The following IGSF3 variants were observed in gnomAD, a reference collection of about 807,000 sequenced individuals.
IGSF3 encodes the protein glu-Trp-Ile EWI motif-containing protein 3.
IGSF3 carries 23 observed loss-of-function variants against 114.4 expected under a neutral mutation model. The ratio of observed to expected loss-of-function variants is 0.20; its 90% CI spans 0.14 to 0.28. IGSF3 has a LOEUF of 0.28. IGSF3 is among the 10% of genes least tolerant of loss of function. The pLI, the probability that IGSF3 is intolerant of heterozygous loss-of-function variation, is 1.00. For missense variants in IGSF3, 1,172 were observed against 1,591.5 expected (o/e 0.74, Z 4.48); for synonymous variants, 571 against 645.2 (o/e 0.88, Z 1.74).
Position 116,644,727 on chromosome 1 carries a change from C to A in IGSF3, c.43+21557G>T, listed in dbSNP as rs1028226760. 5.9e-5 allele frequency among the ~76,000 whole-genome samples: 9 copies of A among 152,188 alleles called. No homozygotes were observed. The highest frequency in any genetic ancestry group is 2.2e-4 in the African/African-American group (9 of 41,436). Reference sequence around the variant, plus strand: ...CGGCCCTGTGTGATGAAAGGACCTCCTCAGGAAACCTCCCCACCAGCAACT... The same window carrying A: ...CGGCCCTGTGTGATGAAAGGACCTCATCAGGAAACCTCCCCACCAGCAACT... On this transcript the variant is annotated intron_variant, in intron 2 of 10. Transcript: ENST00000369486. This position sits in a 1 kb window ranked among gnomAD's most constrained non-coding sequence, Gnocchi z 5.6.
At chr1:116,597,997 A>G (rs376187580) in intron 7 of IGSF3, among the ~76,000 whole-genome samples, 1 of 152,248 alleles carries the variant, frequency 6.6e-6, no homozygotes, top group South Asian at 2.1e-4. Flanking sequence ...TACTTCATAC[A>G]TATTTTTCCC....
rs1660353070 is a variant in IGSF3, at chr1:116,596,525, G to T, written c.2029+3416C>A. Among the ~76,000 whole-genome samples the T allele has an allele frequency of 6.6e-6, 1 of 152,158 alleles. No individual in the cohort carries two copies. On this transcript the variant is annotated intron_variant, in intron 7 of 10. Coordinates refer to ENST00000369486, the MANE Select transcript of IGSF3 (RefSeq NM_001007237.3). This position sits in a 1 kb window ranked among gnomAD's most constrained non-coding sequence, Gnocchi z 4.1. The stretch of plus-strand genomic sequence containing the variant: ...AACTTCTACACCATCAGCAAACTGT[G>T]TCTTGAGGAACCTCTACCAATGTCT...
At position 116,624,571 on chromosome 1, in the gene IGSF3, G is replaced by A. The variant is rs1291808736; in HGVS notation, c.44-8114C>T. 1.3e-5 allele frequency among the ~76,000 whole-genome samples: 2 copies of A among 152,180 alleles called. No homozygotes were observed. The highest frequency in any genetic ancestry group is 6.5e-5 in the Admixed American group (1 of 15,278). On this transcript the variant is annotated intron_variant, in intron 2 of 10. Coordinates refer to ENST00000369486, the MANE Select transcript of IGSF3 (RefSeq NM_001007237.3). The surrounding 1 kb of genome is among the most constrained non-coding windows in gnomAD (Gnocchi z 4.9). ...GTGGAACTAATTTCTCCCACACACC[G>A]TGGCAGGTTGTATTCTCCAGACACA...
In IGSF3 at chr1:116,633,318, T is replaced by C. The variant is rs1647678263; in HGVS notation, c.44-16861A>G. On this transcript the variant is annotated intron_variant, in intron 2 of 10. Transcript: ENST00000369486. The surrounding 1 kb of genome is among the most constrained non-coding windows in gnomAD (Gnocchi z 4.3). ...ACCATTCCAGGAAGTCCAGCAGAGT[T>C]GGTTTTGGTTTGGGGGTGTTTTTTG... Among the ~76,000 whole-genome samples the C allele has an allele frequency of 6.6e-6, 1 of 152,200 alleles. No homozygotes were observed. The highest frequency in any genetic ancestry group is 2.4e-5 in the African/African-American group (1 of 41,434).
chr1:116,659,490 G>C (rs1166761072), intron 2 of IGSF3, among the ~76,000 whole-genome samples: 2 of 152,176 alleles, frequency 1.3e-5, no homozygotes, highest in South Asian at 2.1e-4. Flanking sequence ...TCACACACAG[G>C]TGTTCTAGAT....
chr1:116,600,089 G>T lies in IGSF3; in HGVS notation c.1881C>A (p.Asn627Lys). The stretch of plus-strand genomic sequence containing the variant: ...TGGCTCGGCTGATGCTTAGGCGGAC[G>T]TTGTTGCTGGACTCAGCCTTCTCGA... Reference protein sequence around the residue: ...TAIEKAESSNNVRLSISRASD... With the variant: ...TAIEKAESSNKVRLSISRASD... Residue 627 changes from asparagine to lysine, a missense_variant, in exon 7 of 11, where the codon AAC becomes AAA. By Grantham distance (94) the Asn-to-Lys change is moderately conservative. Around this residue, in one of 3 missense-constraint regions of IGSF3, gnomAD observed 736 missense variants for 1,042.0 expected, o/e 0.71. Transcript: ENST00000369486. The surrounding 1 kb of genome is among the most constrained non-coding windows in gnomAD (Gnocchi z 5.5). The T allele has an allele frequency of 1.2e-6, 2 of 1,614,176 alleles. No individual in the cohort carries two copies. The highest frequency in any genetic ancestry group is 2.2e-5 in the South Asian group (2 of 91,086).
rs1406309422 is a variant in IGSF3 at position 116,584,875 on chromosome 1, T to C, written c.2618A>G (p.Asp873Gly). 6.2e-7 allele frequency: 1 copy of C among 1,614,224 alleles called. No individual in the cohort carries two copies. Among genetic ancestry groups the C allele is most frequent in the East Asian group, 2.2e-5 (1 of 44,876 alleles). Reference protein sequence around the residue: ...ERETVARLSRDATFHYGEQAA... With the variant: ...ERETVARLSRGATFHYGEQAA... ...CTGCTCTCCATAGTGGAAGGTGGCG[T>C]CACGGCTCAAGCGGGCCACAGTCTC... Residue 873 changes from aspartate to glycine, a missense_variant, in exon 9 of 11, where the codon GAC becomes GGC. This residue lies in a region of IGSF3 where 423 missense variants were observed against 509.8 expected (regional missense o/e 0.83). Coordinates refer to ENST00000369486, the MANE Select transcript of IGSF3 (RefSeq NM_001007237.3). The surrounding 1 kb of genome is among the most constrained non-coding windows in gnomAD (Gnocchi z 5.8).
In IGSF3 at chr1:116,603,522, T is replaced by G; in HGVS notation, c.1624+102A>C. The G allele has an allele frequency of 2.6e-6, 3 of 1,151,024 alleles. No individual in the cohort carries two copies. The highest frequency in any genetic ancestry group is 2.5e-6 in the Non-Finnish European group (2 of 796,586). The allele number at this position is 1,151,024 out of a possible 1,614,324, so 71.3% of individuals were successfully genotyped here. On this transcript the variant is annotated intron_variant, in intron 6 of 10. Transcript: ENST00000369486. The surrounding 1 kb of genome is among the most constrained non-coding windows in gnomAD (Gnocchi z 7.1). ...AACTCTATAGGTAAAAGACTGGCCATAGTTTCCTGCTAAAACTCTGACTGA... is the reference window on the plus strand; with the variant it reads ...AACTCTATAGGTAAAAGACTGGCCAGAGTTTCCTGCTAAAACTCTGACTGA...
intron 2 of IGSF3, among the ~76,000 whole-genome samples, chr1:116,622,101 A>T (rs1286856612): frequency 6.6e-6 from 1 of 152,194 alleles, no homozygotes; most frequent in African/African-American, 2.4e-5. Context: ...TGAGCATGTG[A>T]AAGTGTCAGA....
intron 2 of IGSF3, among the ~76,000 whole-genome samples, chr1:116,626,845 C>T (rs1647310547): frequency 6.6e-6 from 1 of 152,308 alleles, no homozygotes; most frequent in East Asian, 1.9e-4. Context: ...ACAGAAGCAG[C>T]ATCCAAAAAG....
intron 8 of IGSF3, among the ~76,000 whole-genome samples, chr1:116,587,590 C>T (rs1659907886): frequency 6.6e-6 from 1 of 152,146 alleles, no homozygotes; most frequent in Non-Finnish European, 1.5e-5. Context: ...TAAGACACAG[C>T]CCTGTCCTCA....
Position 116,584,629 on chromosome 1 carries a change from G to A in IGSF3, c.2848+16C>T. The A allele has an allele frequency of 1.2e-6, 2 of 1,613,622 alleles. No individual in the cohort carries two copies. The highest frequency in any genetic ancestry group is 1.7e-6 in the Non-Finnish European group (2 of 1,179,584). On this transcript the variant is annotated intron_variant, in intron 9 of 10. Transcript: ENST00000369486. The surrounding 1 kb of genome is among the most constrained non-coding windows in gnomAD (Gnocchi z 5.8). ...AACACCAGAGGGAGTGGAAGCTTGGGGACGTGGACCCTCACCTGGTCGCAT... is the reference window on the plus strand; with the variant it reads ...AACACCAGAGGGAGTGGAAGCTTGGAGACGTGGACCCTCACCTGGTCGCAT...
Position 116,600,179 on chromosome 1 carries a change from G to A in IGSF3, c.1791C>T (p.Thr597=). Residue 597 remains threonine, a synonymous_variant, in exon 7 of 11, where the codon ACC becomes ACT. Coordinates refer to ENST00000369486, the MANE Select transcript of IGSF3 (RefSeq NM_001007237.3). The surrounding 1 kb of genome is among the most constrained non-coding windows in gnomAD (Gnocchi z 5.5). The part of the protein sequence containing the change: ...VGTVEFHDLV[T]FTRDGGVQWG... ...ACTGGACCCCTCCGTCCCGGGTGAA[G>A]GTCACCAAGTCATGGAACTCCACCG... 1.2e-6 allele frequency: 2 copies of A among 1,614,144 alleles called. No homozygotes were observed. The highest frequency in any genetic ancestry group is 1.7e-6 in the Non-Finnish European group (2 of 1,180,006).
Position 116,613,623 on chromosome 1 carries a change from G to C in IGSF3, c.832+142C>G, listed in dbSNP as rs565676288. ...ACACATCCCTCAGCTCCCTCCAGCC[G>C]CACACAAGACCGGCTTTAACTTCAC... On this transcript the variant is annotated intron_variant, in intron 4 of 10. Coordinates refer to ENST00000369486, the MANE Select transcript of IGSF3 (RefSeq NM_001007237.3). 8 of 790,330 alleles carry C rather than the reference G, an allele frequency of 1.0e-5. No homozygotes were observed. The East Asian group carries it at 2.1e-4, about 21-fold the overall frequency. The allele number at this position is 790,330 out of a possible 1,614,324, so 49.0% of individuals were successfully genotyped here.
chr1:116,579,650 C>T lies in IGSF3; in HGVS notation c.3076G>A (p.Asp1026Asn), dbSNP rs767375748. ...EEEEDDDDDD[D>N]PTERTALLSV... ...AGCAGGGCCGTCCGCTCTGTTGGGTCGTCGTCGTCGTCGTCGTCCTCCTCC... is the reference window on the plus strand; with the variant it reads ...AGCAGGGCCGTCCGCTCTGTTGGGTTGTCGTCGTCGTCGTCGTCCTCCTCC... The change falls in exon 10 of 11, where the codon GAC (aspartate) becomes AAC (asparagine). Residue 1026 changes from aspartate (D) to asparagine (N), a missense_variant. This residue lies in a region of IGSF3 where 423 missense variants were observed against 509.8 expected (regional missense o/e 0.83). Coordinates refer to ENST00000369486, the MANE Select transcript of IGSF3 (RefSeq NM_001007237.3). The surrounding 1 kb of genome is among the most constrained non-coding windows in gnomAD (Gnocchi z 6.4). 2.6e-5 allele frequency: 27 copies of T among 1,054,682 alleles called. No individual in the cohort carries two copies. The highest frequency in any genetic ancestry group is 1.7e-4 in the South Asian group (11 of 66,412). 65.3% of individuals were successfully genotyped at this position (1,054,682 alleles called of 1,614,324 possible). A position where few individuals can be genotyped will look rare whatever the true frequency, so the allele number is the denominator to read the frequency against.
intron 2 of IGSF3, among the ~76,000 whole-genome samples, chr1:116,656,250 G>A (rs1258536315): frequency 6.7e-6 from 1 of 149,318 alleles, no homozygotes; most frequent in Non-Finnish European, 1.5e-5. Context: ...TCAATAAGGA[G>A]CATAGACAAG....
chr1:116,641,911 T>C (rs1422550775), intron 2 of IGSF3, among the ~76,000 whole-genome samples: 2 of 151,726 alleles, frequency 1.3e-5, no homozygotes, highest in East Asian at 1.9e-4. Flanking sequence ...TGCAGGGGTA[T>C]AATAATAGCT....
chr1:116,664,193 T>C lies in IGSF3; in HGVS notation c.43+2091A>G, dbSNP rs1280931819. The stretch of plus-strand genomic sequence containing the variant: ...ACATGCATGCCTACAGTTCCAAACC[T>C]TCCCACTTCAGCCTGCATCTGGATG... On this transcript the variant is annotated intron_variant, in intron 2 of 10. Coordinates refer to ENST00000369486, the MANE Select transcript of IGSF3 (RefSeq NM_001007237.3). This position sits in a 1 kb window ranked among gnomAD's most constrained non-coding sequence, Gnocchi z 4.6. Among the ~76,000 whole-genome samples the C allele has an allele frequency of 6.6e-6, 1 of 152,178 alleles. No homozygotes were observed. The highest frequency in any genetic ancestry group is 1.5e-5 in the Non-Finnish European group (1 of 68,022).
chr1:116,599,873 A>G lies in IGSF3; in HGVS notation c.2029+68T>C. On this transcript the variant is annotated intron_variant, in intron 7 of 10. Coordinates refer to ENST00000369486, the MANE Select transcript of IGSF3 (RefSeq NM_001007237.3). ...AAGTGACGCTAAGGGCTCCACGCACACCTTTCTTTTTCCCTCACGTCTGCT... is the reference window on the plus strand; with the variant it reads ...AAGTGACGCTAAGGGCTCCACGCACGCCTTTCTTTTTCCCTCACGTCTGCT... 6 of 1,437,252 alleles carry G rather than the reference A, an allele frequency of 4.2e-6. No individual in the cohort carries two copies. In the South Asian group the frequency reaches 7.5e-5, roughly 18 times the overall value. The allele number at this position is 1,437,252 out of a possible 1,614,324, so 89.0% of individuals were successfully genotyped here.
Sources: allele counts gnomAD v4.1 joint callset (sites outside exome capture counted in the v4.1 genomes callset), GRCh38; gene constraint gnomAD v4.1.1; regional missense constraint gnomAD v4.1.1; non-coding constraint Gnocchi (gnomAD v3.1); transcripts MANE v1.5; gene names NCBI Gene and HGNC (gene_info 2026-07-23, HGNC 2026-07-21).